Variants in ROBO1 observed in about 807,000 individuals in gnomAD.
ROBO1 encodes the protein roundabout homolog 1.
ROBO1 carries 149 observed loss-of-function variants against 195.9 expected under a neutral mutation model. The ratio of observed to expected loss-of-function variants is 0.76; its 90% confidence interval spans 0.67 to 0.87. The LOEUF is 0.87. ROBO1 is among the 40% of genes least tolerant of loss of function. The pLI is 0.00. For missense variants in ROBO1, 1,933 were observed against 2,068.3 expected, an observed-to-expected ratio of 0.93 and a Z score of 1.27; for synonymous variants, 816 against 733.2, an observed-to-expected ratio of 1.11 and a Z score of -1.82.
At chr3:79,687,121 A>T (rs1241498274) in intron 1 of ROBO1, among the ~76,000 whole-genome samples, 1 of 152,194 alleles carries the variant, frequency 6.6e-6, no homozygotes, top group Non-Finnish European at 1.5e-5. Context: ...TGGGGAAATG[A>T]TTCTCTATTT....
At chr3:78,743,189 G>T (rs2108264729) in intron 5 of ROBO1, among the ~76,000 whole-genome samples, 1 of 152,136 alleles carries the variant, frequency 6.6e-6, no homozygotes, top group Non-Finnish European at 1.5e-5. Context: ...TCTATGCTCT[G>T]TGTCTAGTTT....
intron 2 of ROBO1, among the ~76,000 whole-genome samples, chr3:79,277,500 GTGGGGATGGTTAA>G (rs2031140255): frequency 6.6e-6 from 1 of 152,064 alleles, no homozygotes; most frequent in Non-Finnish European, 1.5e-5. Context: ...GAGGATGGAA[GTGGGGATGGTTAA>G]TGGGTACAAA....
intron 3 of ROBO1, among the ~76,000 whole-genome samples, chr3:79,044,520 G>C (rs2078553138): frequency 6.6e-6 from 1 of 152,038 alleles, no homozygotes. Flanking sequence ...CTTATAATTT[G>C]CTTTCAGAGA....
chr3:78,926,962 T>C (rs2039256351), intron 4 of ROBO1, among the ~76,000 whole-genome samples: 1 of 152,022 alleles, frequency 6.6e-6, no homozygotes, highest in South Asian at 2.1e-4. Context: ...CTGGGTGCCA[T>C]GAAATTCTAG....
At chr3:79,544,918 TTAAC>T (rs775203406) in intron 2 of ROBO1, among the ~76,000 whole-genome samples, 1 of 152,196 alleles carries the variant, frequency 6.6e-6, no homozygotes, top group East Asian at 1.9e-4. Context: ...TCCATCCAAC[TTAAC>T]TAACAGGTTT....
intron 1 of ROBO1, among the ~76,000 whole-genome samples, chr3:79,657,548 A>C (rs1946204499): frequency 6.6e-6 from 1 of 152,122 alleles, no homozygotes; most frequent in Admixed American, 6.5e-5. Context: ...GAAATATATA[A>C]AAATTAATGA....
intron 1 of ROBO1, among the ~76,000 whole-genome samples, chr3:79,716,382 T>C (rs553772333): frequency 1.3e-5 from 2 of 152,106 alleles, no homozygotes; most frequent in African/African-American, 4.8e-5. Flanking sequence ...GATATAGATA[T>C]AATGAACAGT....
intron 3 of ROBO1, among the ~76,000 whole-genome samples, chr3:78,939,956 T>C (rs1174883097): frequency 6.6e-6 from 1 of 152,118 alleles, no homozygotes; most frequent in African/African-American, 2.4e-5. Flanking sequence ...TCTGTGTCTG[T>C]ACCTTATTTT....
intron 4 of ROBO1, among the ~76,000 whole-genome samples, chr3:78,839,650 A>G (rs2033035608): frequency 6.6e-6 from 1 of 152,202 alleles, no homozygotes. Flanking sequence ...TAGCAACAGC[A>G]TGATTTATCA....
intron 5 of ROBO1, among the ~76,000 whole-genome samples, chr3:78,734,343 A>T (rs2082345303): frequency 1.3e-5 from 2 of 151,606 alleles, no homozygotes; most frequent in South Asian, 4.2e-4. Context: ...TCATGCCTAT[A>T]ATCCCAGCCC....
At chr3:78,848,941 T>C (rs994658213) in intron 4 of ROBO1, among the ~76,000 whole-genome samples, 6 of 151,958 alleles carry the variant, frequency 3.9e-5, no homozygotes, top group South Asian at 2.1e-4. Flanking sequence ...CGGTCTACCA[T>C]AGTAATGGTG....
intron 3 of ROBO1, among the ~76,000 whole-genome samples, chr3:78,977,774 GCACTACTGCTCA>G (rs1407201363): frequency 2.0e-5 from 3 of 151,998 alleles, no homozygotes; most frequent in Admixed American, 1.3e-4. Context: ...ACTGAGGTAT[GCACTACTGCTCA>G]CACTGGTAAT....
At chr3:78,612,591 T>C (rs762996906) in intron 28 of ROBO1, among the ~76,000 whole-genome samples, 23 of 152,356 alleles carry the variant, frequency 1.5e-4, no homozygotes, top group Admixed American at 4.6e-4. Flanking sequence ...TTAATCAATA[T>C]GCATGATGGG....
At chr3:78,693,202 T>C in intron 8 of ROBO1, 1 of 1,063,020 alleles carries the variant, frequency 9.4e-7, no homozygotes, top group Non-Finnish European at 1.4e-6. Context: ...CTTTATTCTG[T>C]GCAGTCTGTC....
At chr3:78,904,634 T>C (rs1053562294) in intron 4 of ROBO1, among the ~76,000 whole-genome samples, 2 of 149,934 alleles carry the variant, frequency 1.3e-5, no homozygotes, top group Non-Finnish European at 3.0e-5. Flanking sequence ...GCAAGAATCA[T>C]CCAAGAGAAC....
chr3:78,950,406 C>G (rs2040709840), intron 3 of ROBO1, among the ~76,000 whole-genome samples: 1 of 149,982 alleles, frequency 6.7e-6, no homozygotes, highest in African/African-American at 2.5e-5. Flanking sequence ...CAAACTATAG[C>G]AAGGAGAAAA....
intron 1 of ROBO1, among the ~76,000 whole-genome samples, chr3:79,598,649 C>T (rs1214945309): frequency 5.3e-5 from 8 of 152,000 alleles, no homozygotes; most frequent in African/African-American, 7.2e-5. Flanking sequence ...CTAACCCTCT[C>T]TACCAGCCCT....
At chr3:79,479,215 C>T (rs1458202541) in intron 2 of ROBO1, among the ~76,000 whole-genome samples, 1 of 152,024 alleles carries the variant, frequency 6.6e-6, no homozygotes, top group Non-Finnish European at 1.5e-5. Flanking sequence ...GCACCTGGGG[C>T]GGATTTCGTG....
chr3:79,119,662 G>A (rs1368961374), intron 3 of ROBO1, among the ~76,000 whole-genome samples: 1 of 152,034 alleles, frequency 6.6e-6, no homozygotes, highest in African/African-American at 2.4e-5. Flanking sequence ...TTCATTTTAA[G>A]AAATGTTTAT....
Sources: allele counts gnomAD v4.1 joint callset (sites outside exome capture counted in the v4.1 genomes callset), GRCh38; gene constraint gnomAD v4.1.1; transcripts MANE v1.5; gene names NCBI Gene and HGNC (gene_info 2026-07-23, HGNC 2026-07-21).